HMGCLL1: variants seen among roughly 807,000 people sequenced by gnomAD.
HMGCLL1 encodes 3-hydroxy-3-methylglutaryl-CoA lyase like 1.
HMGCLL1 carries 36 observed loss-of-function variants against 39.1 expected under a neutral mutation model. The observed-to-expected ratio is 0.92, with a 90% CI of 0.71 to 1.22. HMGCLL1 has a LOEUF of 1.22. Among genes scored for constraint, HMGCLL1 ranks in the 50% most tolerant of loss-of-function variants. The pLI, the probability that HMGCLL1 is intolerant of heterozygous loss-of-function variation, is 0.00. For missense variants in HMGCLL1, 451 were observed against 416.5 expected (o/e 1.08, Z -0.72); for synonymous variants, 149 against 144.0 (o/e 1.03, Z -0.25).
chr6:55,640,858 C>CTTTTAAGT, the HMGCLL1 span, among the ~76,000 whole-genome samples: 8 of 151,510 alleles, frequency 5.3e-5, no homozygotes, highest in African/African-American at 1.9e-4. Flanking sequence ...TTCTCCAAAC[C>CTTTTAAGT]CACGATTGAC....
the HMGCLL1 span, among the ~76,000 whole-genome samples, chr6:55,608,418 GT>G: frequency 6.6e-6 from 1 of 152,068 alleles, no homozygotes; most frequent in East Asian, 1.9e-4. Context: ...CTGAAATAAA[GT>G]TTATGTTTCT....
the HMGCLL1 span, among the ~76,000 whole-genome samples, chr6:55,669,900 CGG>C: frequency 6.6e-6 from 1 of 151,682 alleles, no homozygotes; most frequent in East Asian, 1.9e-4. Context: ...GTTGAAGTCC[CGG>C]GAGAGAACAG....
At chr6:55,621,328 A>C in the HMGCLL1 span, among the ~76,000 whole-genome samples, 115,526 of 151,886 alleles carry the variant, frequency 0.76, 44,018 homozygotes, top group Middle Eastern at 0.8. Context: ...GGCTCCCCAA[A>C]CCCTGGGCTA....
chr6:55,574,527 G>C (rs1771671271), intron 1 of HMGCLL1, among the ~76,000 whole-genome samples: 1 of 148,628 alleles, frequency 6.7e-6, no homozygotes. Flanking sequence ...GTAAAAAAAA[G>C]TATATCACTA....
chr6:55,536,750 C>T (rs192521299), intron 3 of HMGCLL1, among the ~76,000 whole-genome samples: 19 of 152,174 alleles, frequency 1.2e-4, no homozygotes, highest in African/African-American at 3.9e-4. Context: ...GTGTGGGATC[C>T]TGTTTTATAT....
intron 7 of HMGCLL1, among the ~76,000 whole-genome samples, chr6:55,467,459 G>T (rs779054352): frequency 6.6e-6 from 1 of 152,036 alleles, no homozygotes; most frequent in African/African-American, 2.4e-5. Context: ...CAACTAGAAC[G>T]AAATTATATA....
chr6:55,495,720 T>A, intron 6 of HMGCLL1, 113 bp from the exon 7 acceptor site: 1 of 617,154 alleles, frequency 1.6e-6, no homozygotes, highest in African/African-American at 1.9e-5. Context: ...ACCAGTAATG[T>A]CCATGAAAAA....
upstream of HMGCLL1, chr6:55,579,319 G>A (rs1292140439): frequency 2.0e-5 from 11 of 550,174 alleles, no homozygotes; most frequent in Admixed American, 6.2e-5. Flanking sequence ...AGAGAAAGGA[G>A]CTGAGCCAGA....
At chr6:55,650,108 T>TACACACAC in the HMGCLL1 span, among the ~76,000 whole-genome samples, 5 of 75,788 alleles carry the variant, frequency 6.6e-5, 1 homozygote, top group African/African-American at 2.7e-4. Context: ...TATATATATA[T>TACACACAC]ATATATATAT....
intron 7 of HMGCLL1, among the ~76,000 whole-genome samples, chr6:55,465,494 C>T (rs2127399335): frequency 6.6e-6 from 1 of 151,978 alleles, no homozygotes; most frequent in Non-Finnish European, 1.5e-5. Context: ...CTTAAATCTC[C>T]TCTGTAATGC....
chr6:55,444,741 T>C (rs986664654), intron 7 of HMGCLL1, among the ~76,000 whole-genome samples: 4 of 152,138 alleles, frequency 2.6e-5, no homozygotes, highest in African/African-American at 4.8e-5. Flanking sequence ...AAAAGTAAAA[T>C]ATAAAAGTTT....
At position 55,516,541 on chromosome 6, in the gene HMGCLL1, G is replaced by A. The variant is rs1490099317; in HGVS notation, c.360C>T (p.Val120=). Residue 120 remains valine (V), a synonymous_variant, in exon 4 of 9, where the codon GTC becomes GTT. Transcript: ENST00000274901. ...GAAAACCCTGAAGATTAGGAGTAAG[G>A]ACAGGATAGCGAACTCCTGGATATT... The part of the protein sequence containing the change: ...IHQYPGVRYP[V]LTPNLQGFHH... 32 of 1,600,946 alleles carry A rather than the reference G, an allele frequency of 2.0e-5. No homozygotes were observed. Among genetic ancestry groups the A allele is most frequent in the Non-Finnish European group, 2.7e-5 (32 of 1,171,224 alleles).
intron 7 of HMGCLL1, among the ~76,000 whole-genome samples, chr6:55,463,072 C>T (rs911643620): frequency 5.4e-5 from 8 of 149,480 alleles, no homozygotes; most frequent in Admixed American, 2.7e-4. Context: ...GCTCTGTTGC[C>T]CAGGCTGGAG....
intron 3 of HMGCLL1, among the ~76,000 whole-genome samples, chr6:55,519,700 C>A (rs923290463): frequency 6.6e-5 from 10 of 151,804 alleles, no homozygotes; most frequent in African/African-American, 2.4e-4. Flanking sequence ...AATGCTTAAG[C>A]CTAAGTAAAC....
At chr6:55,579,642 A>C (rs1581973685), upstream of HMGCLL1, among the ~76,000 whole-genome samples, 1 of 152,330 alleles carries the variant, frequency 6.6e-6, no homozygotes, top group East Asian at 1.9e-4. Context: ...ATGAAAAGGA[A>C]AAGATAGTCT....
chr6:55,439,535 C>A lies in HMGCLL1; in HGVS notation c.820G>T (p.Ala274Ser). ...GGGCAGCCACCTAATCCGGATACTG[C>A]GGAGTCCACCACATTAATTCCCATC... ...LQMGINVVDSAVSGLGGCPYA... is the reference protein window; with the variant it reads ...LQMGINVVDSSVSGLGGCPYA... The change falls in exon 8 of 9, where the codon GCA becomes TCA. Residue 274 changes from alanine to serine, a missense_variant. Transcript: ENST00000274901. The A allele has an allele frequency of 1.2e-6, 2 of 1,612,754 alleles. No homozygotes were observed. Among genetic ancestry groups the A allele is most frequent in the Non-Finnish European group, 1.7e-6 (2 of 1,179,060 alleles).
At chr6:55,439,826 G>A in intron 7 of HMGCLL1, 1 of 302,850 alleles carries the variant, frequency 3.3e-6, no homozygotes, top group East Asian at 5.5e-5. Context: ...TTGTTCGTTG[G>A]TAACAGCTCA....
intron 7 of HMGCLL1, among the ~76,000 whole-genome samples, chr6:55,462,977 A>G (rs905006131): frequency 1.3e-5 from 2 of 151,962 alleles, no homozygotes; most frequent in Non-Finnish European, 2.9e-5. Flanking sequence ...AAAACTCACA[A>G]AGGAGTTATG....
At chr6:55,624,514 T>A in the HMGCLL1 span, among the ~76,000 whole-genome samples, 1 of 152,172 alleles carries the variant, frequency 6.6e-6, no homozygotes, top group Non-Finnish European at 1.5e-5. Flanking sequence ...ATCATCTCTT[T>A]GGCTTTTTGT....
Sources: allele counts gnomAD v4.1 joint callset (sites outside exome capture counted in the v4.1 genomes callset), GRCh38; gene constraint gnomAD v4.1.1; transcripts MANE v1.5; gene names NCBI Gene and HGNC (gene_info 2026-07-23, HGNC 2026-07-21).